The following H2AC6 variants were observed in gnomAD, a reference collection of about 807,000 sequenced individuals.
H2AC6 encodes the protein histone H2A type 1-C.
Under a neutral mutation model 6.8 loss-of-function variants are expected in H2AC6, and 5 were observed. That is an observed-to-expected ratio of 0.73 (90% CI 0.38 to 1.54). The LOEUF (loss-of-function observed/expected upper bound fraction) is 1.54, where lower values mean the gene tolerates loss of function less well. Ranked by LOEUF, H2AC6 falls within the 40% of genes most tolerant of loss-of-function variation. H2AC6 has a pLI of 0.03. For synonymous variants in H2AC6, 146 were observed against 79.2 expected, an observed-to-expected ratio of 1.84 and a Z score of -4.48; for missense variants, 154 against 180.7, an observed-to-expected ratio of 0.85 and a Z score of 0.85.
rs765039622 is a variant in H2AC6, at chr6:26,124,187, C to T, written c.-46C>T. On this transcript the variant is annotated 5_prime_UTR_variant, in exon 1 of 1. Transcript: ENST00000377791. ...CATATTTCTTGATTTTGTTTGTTTT[C>T]TCGTGAGCTTAGGCCGCTGGTTTTG... The T allele has an allele frequency of 9.8e-6, 15 of 1,530,448 alleles. 1 individual carries two copies. In the African/African-American group the frequency reaches 1.3e-4, roughly 13 times the overall value. 94.8% of individuals were successfully genotyped at this position (1,530,448 alleles called of 1,614,324 possible). A position where few individuals can be genotyped will look rare whatever the true frequency, so the allele number is the denominator to read the frequency against.
chr6:26,124,304 C>T lies in H2AC6; in HGVS notation c.72C>T (p.Leu24=). 2 of 1,613,592 alleles carry T rather than the reference C, an allele frequency of 1.2e-6. No individual in the cohort carries two copies. Among genetic ancestry groups the T allele is most frequent in the South Asian group, 1.1e-5 (1 of 91,036 alleles). The stretch of plus-strand genomic sequence containing the variant: ...AATCCCGCTCTTCTCGCGCTGGTCT[C>T]CAGTTCCCGGTGGGCCGAGTGCACC... The part of the protein sequence containing the change: ...KAKSRSSRAG[L]QFPVGRVHRL... Residue 24 remains leucine (L), a synonymous_variant, in exon 1 of 1, where the codon CTC becomes CTT. Transcript: ENST00000377791.
chr6:26,124,271 CA>C lies in H2AC6; in HGVS notation c.42del (p.Ala15ArgfsTer42), dbSNP rs1763580490. ...GTAAGCAAGGAGGCAAAGCTCGCGC[CA>C]AAGCGAAATCCCGCTCTTCTCGCGC... ...RGKQGGKARA[K>X]AKSRSSRAGL... On this transcript the variant is annotated frameshift_variant, in exon 1 of 1. Transcript: ENST00000377791. LOFTEE classifies it high-confidence loss of function. The C allele has an allele frequency of 6.2e-7, 1 of 1,607,940 alleles. No individual in the cohort carries two copies.
In H2AC6 at chr6:26,124,663, C is replaced by G; in HGVS notation, c.*38C>G. The G allele has an allele frequency of 6.3e-7, 1 of 1,591,934 alleles. No homozygotes were observed. The highest frequency in any genetic ancestry group is 1.1e-5 in the South Asian group (1 of 88,660). On this transcript the variant is annotated 3_prime_UTR_variant, in exon 1 of 1. Coordinates refer to ENST00000377791, the MANE Select transcript of H2AC6 (RefSeq NM_003512.4). The stretch of plus-strand genomic sequence containing the variant: ...CTGAGCTCCCGGAAACGCTATCAAA[C>G]CCAAAGGCTCTTTTCAGAGCCCCCC...
rs1226302791 is a variant in H2AC6 at position 26,124,380 on chromosome 6, G to A, written c.148G>A (p.Val50Met). ...AGAGCGGGTTGGGGCAGGCGCGCCGGTGTACCTGGCGGCGGTGTTAGAGTA... is the reference window on the plus strand; with the variant it reads ...AGAGCGGGTTGGGGCAGGCGCGCCGATGTACCTGGCGGCGGTGTTAGAGTA... ...YAERVGAGAP[V>M]YLAAVLEYLT... Residue 50 changes from valine to methionine, a missense_variant, in exon 1 of 1, where the codon GTG becomes ATG. Physicochemically the swap from Val to Met is conservative, Grantham distance 21. This residue lies in a region of H2AC6 where 111 missense variants were observed against 91.9 expected (regional missense o/e 1.21). Coordinates refer to ENST00000377791, the MANE Select transcript of H2AC6 (RefSeq NM_003512.4). 6 of 1,614,032 alleles carry A rather than the reference G, an allele frequency of 3.7e-6. No individual in the cohort carries two copies. The highest frequency in any genetic ancestry group is 2.7e-5 in the African/African-American group (2 of 74,936).
rs960799674 is a variant in H2AC6, at chr6:26,124,685, C to T, written c.*60C>T. On this transcript the variant is annotated 3_prime_UTR_variant, in exon 1 of 1. Coordinates refer to ENST00000377791, the MANE Select transcript of H2AC6 (RefSeq NM_003512.4). The stretch of plus-strand genomic sequence containing the variant: ...AAACCCAAAGGCTCTTTTCAGAGCC[C>T]CCCTACCGTTTCAAAGGAAGAGCTA... 8 of 1,550,908 alleles carry T rather than the reference C, an allele frequency of 5.2e-6. No homozygotes were observed. The African/African-American group carries it at 5.5e-5, about 11-fold the overall frequency.
rs1011396697 is a variant in H2AC6, at chr6:26,124,481, C to T, written c.249C>T (p.His83=). The T allele has an allele frequency of 1.7e-5, 27 of 1,614,200 alleles. No individual in the cohort carries two copies. Among genetic ancestry groups the T allele is most frequent in the Non-Finnish European group, 2.0e-5 (24 of 1,180,048 alleles). Reference sequence around the variant, plus strand: ...AGAAGACTCGCATCATCCCGCGCCACTTGCAGCTGGCCATCCGCAACGACG... The same window carrying T: ...AGAAGACTCGCATCATCCCGCGCCATTTGCAGCTGGCCATCCGCAACGACG... ...DNKKTRIIPR[H]LQLAIRNDEE... is the part of the protein sequence containing the mutation. Residue 83 remains histidine (H), a synonymous_variant, in exon 1 of 1, where the codon CAC becomes CAT. Transcript: ENST00000377791.
chr6:26,124,389 G>GTTA lies in H2AC6; in HGVS notation c.157_158insTTA (p.Ala53delinsValThr). The GTTA allele has an allele frequency of 6.2e-7, 1 of 1,614,144 alleles. No homozygotes were observed. Among genetic ancestry groups the GTTA allele is most frequent in the Non-Finnish European group, 8.5e-7 (1 of 1,180,024 alleles). ...TGGGGCAGGCGCGCCGGTGTACCTG[G>GTTA]CGGCGGTGTTAGAGTACCTGACCGC... On this transcript the variant is annotated protein_altering_variant, in exon 1 of 1. Coordinates refer to ENST00000377791, the MANE Select transcript of H2AC6 (RefSeq NM_003512.4).
rs778060310 is a variant in H2AC6 at position 26,124,468 on chromosome 6, T to A, written c.236T>A (p.Ile79Asn). 6.2e-7 allele frequency: 1 copy of A among 1,613,886 alleles called. No homozygotes were observed. Among genetic ancestry groups the A allele is most frequent in the South Asian group, 1.1e-5 (1 of 91,068 alleles). The change falls in exon 1 of 1, where the codon ATC becomes AAC. Residue 79 changes from isoleucine to asparagine, a missense_variant. Ile to Asn is a moderately radical substitution (Grantham distance 149, BLOSUM62 -3). Coordinates refer to ENST00000377791, the MANE Select transcript of H2AC6 (RefSeq NM_003512.4). ...NAARDNKKTRIIPRHLQLAIR... is the reference protein window; with the variant it reads ...NAARDNKKTRNIPRHLQLAIR... Reference sequence around the variant, plus strand: ...GCTCGCGACAACAAGAAGACTCGCATCATCCCGCGCCACTTGCAGCTGGCC... The same window carrying A: ...GCTCGCGACAACAAGAAGACTCGCAACATCCCGCGCCACTTGCAGCTGGCC...
Position 26,124,469 on chromosome 6 carries a change from C to G in H2AC6, c.237C>G (p.Ile79Met). ...NAARDNKKTRIIPRHLQLAIR... is the reference protein window; with the variant it reads ...NAARDNKKTRMIPRHLQLAIR... ...CTCGCGACAACAAGAAGACTCGCAT[C>G]ATCCCGCGCCACTTGCAGCTGGCCA... Residue 79 changes from isoleucine (I) to methionine (M), a missense_variant, in exon 1 of 1, where the codon ATC (isoleucine) becomes ATG (methionine). Coordinates refer to ENST00000377791, the MANE Select transcript of H2AC6 (RefSeq NM_003512.4). The G allele has an allele frequency of 2.5e-6, 4 of 1,614,222 alleles. No homozygotes were observed. Among genetic ancestry groups the G allele is most frequent in the Non-Finnish European group, 3.4e-6 (4 of 1,180,044 alleles).
Position 26,124,485 on chromosome 6 carries a change from C to T in H2AC6, c.253C>T (p.Gln85Ter), listed in dbSNP as rs1365282149. The T allele has an allele frequency of 1.9e-6, 3 of 1,614,210 alleles. No homozygotes were observed. The highest frequency in any genetic ancestry group is 2.5e-6 in the Non-Finnish European group (3 of 1,180,044). ...KKTRIIPRHL[Q>*]LAIRNDEELN... The stretch of plus-strand genomic sequence containing the variant: ...GACTCGCATCATCCCGCGCCACTTG[C>T]AGCTGGCCATCCGCAACGACGAGGA... Residue 85 changes from glutamine to a stop codon, truncating the protein, a stop_gained, in exon 1 of 1, where the codon CAG becomes TAG. Transcript: ENST00000377791. LOFTEE classifies it high-confidence loss of function.
In H2AC6 at chr6:26,124,203, G is replaced by GA; in HGVS notation, c.-30_-29insA. ...GTTTGTTTTCTCGTGAGCTTAGGCC[G>GA]CTGGTTTTGGTGATTTTTGTCTGAT... On this transcript the variant is annotated 5_prime_UTR_variant, in exon 1 of 1. Coordinates refer to ENST00000377791, the MANE Select transcript of H2AC6 (RefSeq NM_003512.4). The GA allele has an allele frequency of 1.3e-6, 2 of 1,549,288 alleles. No homozygotes were observed. The highest frequency in any genetic ancestry group is 1.7e-6 in the Non-Finnish European group (2 of 1,149,902).
At position 26,124,385 on chromosome 6, in the gene H2AC6, C is replaced by T. The variant is rs202165843; in HGVS notation, c.153C>T (p.Tyr51=). 1.5e-5 allele frequency: 24 copies of T among 1,614,128 alleles called. No homozygotes were observed. Among genetic ancestry groups the T allele is most frequent in the Admixed American group, 3.3e-5 (2 of 60,016 alleles). ...AERVGAGAPV[Y]LAAVLEYLTA... ...GGGTTGGGGCAGGCGCGCCGGTGTA[C>T]CTGGCGGCGGTGTTAGAGTACCTGA... The change falls in exon 1 of 1, where the codon TAC becomes TAT. Residue 51 remains tyrosine (Y), a synonymous_variant. Coordinates refer to ENST00000377791, the MANE Select transcript of H2AC6 (RefSeq NM_003512.4).
chr6:26,124,454 C>G lies in H2AC6; in HGVS notation c.222C>G (p.Asn74Lys), dbSNP rs758788372. 8 of 1,614,082 alleles carry G rather than the reference C, an allele frequency of 5.0e-6. No homozygotes were observed. The highest frequency in any genetic ancestry group is 1.3e-5 in the African/African-American group (1 of 74,934). ...TGGCCGGCAACGCGGCTCGCGACAACAAGAAGACTCGCATCATCCCGCGCC... is the reference window on the plus strand; with the variant it reads ...TGGCCGGCAACGCGGCTCGCGACAAGAAGAAGACTCGCATCATCCCGCGCC... ...LELAGNAARD[N>K]KKTRIIPRHL... is the part of the protein sequence containing the mutation. The change falls in exon 1 of 1, where the codon AAC (asparagine) becomes AAG (lysine). Residue 74 changes from asparagine to lysine, a missense_variant. This residue lies in a region of H2AC6 where 43 missense variants were observed against 88.7 expected (regional missense o/e 0.48). Transcript: ENST00000377791.
Position 26,124,689 on chromosome 6 carries a change from T to TA in H2AC6, c.*65dup. ...CCAAAGGCTCTTTTCAGAGCCCCCC[T>TA]ACCGTTTCAAAGGAAGAGCTAACCT... On this transcript the variant is annotated 3_prime_UTR_variant, in exon 1 of 1. Transcript: ENST00000377791. 1.3e-6 allele frequency: 2 copies of TA among 1,547,446 alleles called. No individual in the cohort carries two copies. Among genetic ancestry groups the TA allele is most frequent in the Non-Finnish European group, 1.7e-6 (2 of 1,143,968 alleles).
In H2AC6 at chr6:26,124,460, G is replaced by A. The variant is rs1763588953; in HGVS notation, c.228G>A (p.Lys76=). 2 of 1,613,988 alleles carry A rather than the reference G, an allele frequency of 1.2e-6. No homozygotes were observed. The highest frequency in any genetic ancestry group is 1.7e-6 in the Non-Finnish European group (2 of 1,180,038). The change falls in exon 1 of 1, where the codon AAG becomes AAA. Residue 76 remains lysine (K), a synonymous_variant. Transcript: ENST00000377791. ...LAGNAARDNK[K]TRIIPRHLQL... The stretch of plus-strand genomic sequence containing the variant: ...GCAACGCGGCTCGCGACAACAAGAA[G>A]ACTCGCATCATCCCGCGCCACTTGC...
Position 26,124,182 on chromosome 6 carries a change from G to T in H2AC6, c.-51G>T, listed in dbSNP as rs561359826. The T allele has an allele frequency of 3.3e-6, 5 of 1,527,980 alleles. No individual in the cohort carries two copies. The highest frequency in any genetic ancestry group is 1.4e-5 in the African/African-American group (1 of 71,806). 94.7% of individuals were successfully genotyped at this position (1,527,980 alleles called of 1,614,324 possible). ...TTTTACATATTTCTTGATTTTGTTT[G>T]TTTTCTCGTGAGCTTAGGCCGCTGG... is the stretch of plus-strand genomic sequence containing the variant. On this transcript the variant is annotated 5_prime_UTR_variant, in exon 1 of 1. Transcript: ENST00000377791.
chr6:26,124,402 A>AT lies in H2AC6; in HGVS notation c.170_171insT (p.Glu57AspfsTer55), dbSNP rs1451741187. The AT allele has an allele frequency of 6.2e-7, 1 of 1,614,138 alleles. No homozygotes were observed. The stretch of plus-strand genomic sequence containing the variant: ...CCGGTGTACCTGGCGGCGGTGTTAG[A>AT]GTACCTGACCGCCGAGATCCTGGAG... On this transcript the variant is annotated frameshift_variant, in exon 1 of 1. Coordinates refer to ENST00000377791, the MANE Select transcript of H2AC6 (RefSeq NM_003512.4). LOFTEE classifies it high-confidence loss of function.
In H2AC6 at chr6:26,124,422, C is replaced by T. The variant is rs756460992; in HGVS notation, c.190C>T (p.Leu64=). The part of the protein sequence containing the change: ...AVLEYLTAEI[L]ELAGNAARDN... Reference sequence around the variant, plus strand: ...GTTAGAGTACCTGACCGCCGAGATCCTGGAGCTGGCCGGCAACGCGGCTCG... The same window carrying T: ...GTTAGAGTACCTGACCGCCGAGATCTTGGAGCTGGCCGGCAACGCGGCTCG... The change falls in exon 1 of 1, where the codon CTG becomes TTG. Residue 64 remains leucine, a synonymous_variant. Transcript: ENST00000377791. 5.6e-6 allele frequency: 9 copies of T among 1,614,100 alleles called. No homozygotes were observed. The highest frequency in any genetic ancestry group is 1.1e-5 in the South Asian group (1 of 91,076).
chr6:26,124,189 C>G lies in H2AC6; in HGVS notation c.-44C>G, dbSNP rs772215605. 1.0e-5 allele frequency: 16 copies of G among 1,531,134 alleles called. No individual in the cohort carries two copies. The highest frequency in any genetic ancestry group is 1.4e-5 in the African/African-American group (1 of 71,866). 94.8% of individuals were successfully genotyped at this position (1,531,134 alleles called of 1,614,324 possible). A position where few individuals can be genotyped will look rare whatever the true frequency, so the allele number is the denominator to read the frequency against. On this transcript the variant is annotated 5_prime_UTR_variant, in exon 1 of 1. Transcript: ENST00000377791. ...TATTTCTTGATTTTGTTTGTTTTCT[C>G]GTGAGCTTAGGCCGCTGGTTTTGGT...
Sources: allele counts gnomAD v4.1 joint callset, GRCh38; gene constraint gnomAD v4.1.1; regional missense constraint gnomAD v4.1.1; transcripts MANE v1.5; gene names NCBI Gene and HGNC (gene_info 2026-07-23, HGNC 2026-07-21).